Variants in RFTN1 observed in about 807,000 individuals in gnomAD.
RFTN1 encodes raftlin.
Under a neutral mutation model 46.5 loss-of-function variants are expected in RFTN1, and 26 were observed. The observed-to-expected ratio is 0.56, with a 90% CI of 0.41 to 0.78. The LOEUF (loss-of-function observed/expected upper bound fraction) is 0.78. Ranked by LOEUF, RFTN1 falls within the 30% of genes least tolerant of loss-of-function variation. The pLI is 0.00. For synonymous variants in RFTN1, 261 were observed against 284.2 expected (o/e 0.92, Z 0.82); for missense variants, 693 against 718.7 (o/e 0.96, Z 0.41).
Position 16,370,406 on chromosome 3 carries a change from G to A in RFTN1, c.827-127C>T, listed in dbSNP as rs1425075392. 2 of 891,922 alleles carry A rather than the reference G, an allele frequency of 2.2e-6. No individual in the cohort carries two copies. The highest frequency in any genetic ancestry group is 3.6e-6 in the Non-Finnish European group (2 of 555,320). 55.3% of individuals were successfully genotyped at this position (891,922 alleles called of 1,614,324 possible). A position where few individuals can be genotyped will look rare whatever the true frequency, so the allele number is the denominator to read the frequency against. ...ATATGATGAATGCTGAAATCTCTGT[G>A]AGGCTGTATTGTTGCCAGATAATAA... On this transcript the variant is annotated intron_variant, in intron 5 of 9. Coordinates refer to ENST00000334133, the MANE Select transcript of RFTN1 (RefSeq NM_015150.2). The surrounding 1 kb of genome is among the most constrained non-coding windows in gnomAD (Gnocchi z 5.5).
chr3:16,434,909 T>A (rs993572882), intron 2 of RFTN1: 2 of 152,176 alleles, frequency 1.3e-5, no homozygotes, highest in African/African-American at 4.8e-5. Flanking sequence ...GGCTAACCAA[T>A]ATTTGAAAAC....
At chr3:16,430,950 C>T (rs550050388) in intron 3 of RFTN1, among the ~76,000 whole-genome samples, 75 of 152,366 alleles carry the variant, frequency 4.9e-4, no homozygotes, top group African/African-American at 1.7e-3. Flanking sequence ...GAGCCCCCAG[C>T]TTCACTGCTG....
chr3:16,326,402 C>A (rs1352850804), intron 8 of RFTN1, among the ~76,000 whole-genome samples: 1 of 152,152 alleles, frequency 6.6e-6, no homozygotes, highest in Non-Finnish European at 1.5e-5. Context: ...TTTTTCTTTT[C>A]TTTTTGAGGA....
At chr3:16,478,397 C>G (rs1483193556) in intron 2 of RFTN1, among the ~76,000 whole-genome samples, 1 of 152,178 alleles carries the variant, frequency 6.6e-6, no homozygotes, top group Non-Finnish European at 1.5e-5. Flanking sequence ...GCTCACACAG[C>G]TAATAAGCAG....
At position 16,451,331 on chromosome 3, in the gene RFTN1, A is replaced by C. The variant is rs773793550; in HGVS notation, c.146-17294T>G. Among the ~76,000 whole-genome samples the C allele has an allele frequency of 6.6e-6, 1 of 152,186 alleles. No individual in the cohort carries two copies. The highest frequency in any genetic ancestry group is 2.4e-5 in the African/African-American group (1 of 41,444). On this transcript the variant is annotated intron_variant, in intron 2 of 9. Transcript: ENST00000334133. This position sits in a 1 kb window ranked among gnomAD's most constrained non-coding sequence, Gnocchi z 4.2. ...ATCCCCCAAAGCCTTCATTCCTTCC[A>C]GGACACATGGTAGATGCCCCTGCAT...
At chr3:16,357,097 A>G (rs1417002878) in intron 7 of RFTN1, among the ~76,000 whole-genome samples, 1 of 148,342 alleles carries the variant, frequency 6.7e-6, no homozygotes, top group Non-Finnish European at 1.5e-5. Flanking sequence ...CCTGGGCGAC[A>G]GAGCAAGATG....
intron 2 of RFTN1, among the ~76,000 whole-genome samples, chr3:16,437,839 T>A (rs2075546173): frequency 6.6e-6 from 1 of 152,136 alleles, no homozygotes; most frequent in African/African-American, 2.4e-5. Flanking sequence ...TCCCAGAGCC[T>A]GCAAATGCTG....
In RFTN1 at chr3:16,474,003, AT is replaced by A. The variant is rs1559365323; in HGVS notation, c.145+19721del. Among the ~76,000 whole-genome samples, 1 of 152,192 alleles carries A rather than the reference AT, an allele frequency of 6.6e-6. No homozygotes were observed. ...AACAACAGCCCTTGGAGAGGGATTG[AT>A]TAGGACAAACGCCCTCATTTTGCAG... On this transcript the variant is annotated intron_variant, in intron 2 of 9. Coordinates refer to ENST00000334133, the MANE Select transcript of RFTN1 (RefSeq NM_015150.2). The surrounding 1 kb of genome is among the most constrained non-coding windows in gnomAD (Gnocchi z 5.5).
At chr3:16,392,868 G>C (rs1575212493) in intron 4 of RFTN1, among the ~76,000 whole-genome samples, 3 of 151,894 alleles carry the variant, frequency 2.0e-5, no homozygotes, top group South Asian at 4.2e-4. Context: ...AAGCTACTTG[G>C]AGTTGCAAAA....
At chr3:16,491,296 A>C (rs969883874) in intron 2 of RFTN1, among the ~76,000 whole-genome samples, 7 of 152,162 alleles carry the variant, frequency 4.6e-5, no homozygotes, top group Non-Finnish European at 7.3e-5. Context: ...GCAGGTTCAC[A>C]AAAGAGCAAA....
At chr3:16,503,797 T>C (rs1297155877) in intron 1 of RFTN1, among the ~76,000 whole-genome samples, 1 of 152,204 alleles carries the variant, frequency 6.6e-6, no homozygotes, top group African/African-American at 2.4e-5. Flanking sequence ...CTCCATCCTC[T>C]TGCCTCACTT....
chr3:16,433,937 C>T lies in RFTN1; in HGVS notation c.246G>A (p.Leu82=). ...LYQQGFSLAA[L]HPFVQPTHER... The stretch of plus-strand genomic sequence containing the variant: ...CATGGGTGGGCTGCACGAAGGGGTG[C>T]AGGGCCGCCAGCGAGAAGCCCTGCT... Residue 82 remains leucine (L), a synonymous_variant, in exon 3 of 10, where the codon CTG becomes CTA. Transcript: ENST00000334133. The surrounding 1 kb of genome is among the most constrained non-coding windows in gnomAD (Gnocchi z 4.4). The T allele has an allele frequency of 1.2e-6, 2 of 1,614,132 alleles. No individual in the cohort carries two copies. Among genetic ancestry groups the T allele is most frequent in the African/African-American group, 1.3e-5 (1 of 75,046 alleles).
Position 16,466,041 on chromosome 3 carries a change from G to A in RFTN1, c.145+27684C>T, listed in dbSNP as rs2076084360. Among the ~76,000 whole-genome samples, 1 of 152,144 alleles carries A rather than the reference G, an allele frequency of 6.6e-6. No homozygotes were observed. The highest frequency in any genetic ancestry group is 1.5e-5 in the Non-Finnish European group (1 of 68,026). ...ATTTCTTTGAATGAGCCATTTAAAT[G>A]CCCATCACTCCACATCACTCTCATG... On this transcript the variant is annotated intron_variant, in intron 2 of 9. Coordinates refer to ENST00000334133, the MANE Select transcript of RFTN1 (RefSeq NM_015150.2). The surrounding 1 kb of genome is among the most constrained non-coding windows in gnomAD (Gnocchi z 5.6).
intron 2 of RFTN1, among the ~76,000 whole-genome samples, chr3:16,469,352 G>GTATCAT (rs2124944835): frequency 6.6e-6 from 1 of 152,324 alleles, no homozygotes; most frequent in African/African-American, 2.4e-5. Context: ...CTTCCCAATA[G>GTATCAT]TATCATTATC....
At position 16,330,978 on chromosome 3, in the gene RFTN1, G is replaced by C. The variant is rs113270622; in HGVS notation, c.1147-4102C>G. Among the ~76,000 whole-genome samples, 6 of 152,324 alleles carry C rather than the reference G, an allele frequency of 3.9e-5. 1 individual carries two copies. The highest frequency in any genetic ancestry group is 1.4e-4 in the African/African-American group (6 of 41,586). On this transcript the variant is annotated intron_variant, in intron 7 of 9. Transcript: ENST00000334133. Reference sequence around the variant, plus strand: ...TGTTTCATCCTGTGGAAGCAATCTAGGAGAAAAGGAGTTTGAAAGAAAATA... The same window carrying C: ...TGTTTCATCCTGTGGAAGCAATCTACGAGAAAAGGAGTTTGAAAGAAAATA...
At chr3:16,377,199 C>T (rs1559305737) in intron 5 of RFTN1, among the ~76,000 whole-genome samples, 1 of 151,966 alleles carries the variant, frequency 6.6e-6, no homozygotes, top group Non-Finnish European at 1.5e-5. Context: ...ACAGGAAAGA[C>T]CAAGCAGAGA....
In RFTN1 at chr3:16,506,556, G is replaced by A. The variant is rs2076810326; in HGVS notation, c.-9+6886C>T. Among the ~76,000 whole-genome samples the A allele has an allele frequency of 6.6e-6, 1 of 152,074 alleles. No homozygotes were observed. On this transcript the variant is annotated intron_variant, in intron 1 of 9. Transcript: ENST00000334133. This position sits in a 1 kb window ranked among gnomAD's most constrained non-coding sequence, Gnocchi z 4.8. ...ATTGACTGATGATTTGGAAAAAGGGGATGAGCAAAAGAGGGCATCCAAGAC... is the reference window on the plus strand; with the variant it reads ...ATTGACTGATGATTTGGAAAAAGGGAATGAGCAAAAGAGGGCATCCAAGAC...
chr3:16,462,387 A>G (rs1451781079), intron 2 of RFTN1, among the ~76,000 whole-genome samples: 1 of 152,240 alleles, frequency 6.6e-6, no homozygotes, highest in East Asian at 1.9e-4. Context: ...GTGAATAGTA[A>G]CCTTATATAA....
At chr3:16,431,824 T>C (rs1004355263) in intron 3 of RFTN1, among the ~76,000 whole-genome samples, 4 of 152,158 alleles carry the variant, frequency 2.6e-5, no homozygotes, top group African/African-American at 9.7e-5. Flanking sequence ...ATCAAAGATA[T>C]CCTCCCCCAC....
Sources: gnomAD v4.1 joint callset for allele counts (sites outside exome capture counted in the v4.1 genomes callset) on GRCh38, gnomAD v4.1.1 for gene constraint, Gnocchi (gnomAD v3.1) non-coding constraint, MANE v1.5 for transcripts, NCBI Gene and HGNC (gene_info 2026-07-23, HGNC 2026-07-21) for gene names.